Variants in PTPRD observed in about 807,000 individuals in gnomAD.
PTPRD encodes the protein receptor-type tyrosine-protein phosphatase delta.
In PTPRD, 34 loss-of-function variants were observed where a neutral mutation model predicts 214.5. That is an observed-to-expected ratio of 0.16 (90% confidence interval 0.12 to 0.21). The LOEUF (loss-of-function observed/expected upper bound fraction) is 0.21. Ranked by LOEUF, PTPRD falls within the 10% of genes least tolerant of loss-of-function variation. PTPRD has a pLI of 1.00. For synonymous variants in PTPRD, 1,128 were observed against 845.7 expected (o/e 1.33, Z -5.79); for missense variants, 2,545 against 2,398.7 (o/e 1.06, Z -1.27).
intron 7 of PTPRD, among the ~76,000 whole-genome samples, chr9:9,645,464 TATATATATATATA>T (rs2096125790): frequency 1.4e-5 from 2 of 140,946 alleles, no homozygotes; most frequent in Admixed American, 6.9e-5. Flanking sequence ...TATGTATATA[TATATATATATATA>T]TATTTTCTAT....
At chr9:9,863,310 A>G (rs922671873) in intron 5 of PTPRD, among the ~76,000 whole-genome samples, 1 of 152,208 alleles carries the variant, frequency 6.6e-6, no homozygotes, top group Non-Finnish European at 1.5e-5. Flanking sequence ...AAAAAATTTG[A>G]TAATTGATAA....
chr9:9,689,063 T>C (rs892161078), intron 7 of PTPRD, among the ~76,000 whole-genome samples: 1 of 151,908 alleles, frequency 6.6e-6, no homozygotes, highest in African/African-American at 2.4e-5. Context: ...AAAGTGAAAC[T>C]CAACTAAATT....
chr9:8,512,246 G>C (rs1309003232), intron 21 of PTPRD, among the ~76,000 whole-genome samples: 1 of 152,002 alleles, frequency 6.6e-6, no homozygotes, highest in East Asian at 1.9e-4. Flanking sequence ...TCAAAACAAA[G>C]AGTCTGATGT....
chr9:8,404,710 C>A (rs1280671523), intron 35 of PTPRD, 50 bp from the exon 36 acceptor site: 15 of 1,561,962 alleles, frequency 9.6e-6, no homozygotes, highest in East Asian at 9.1e-5. Context: ...TGAAAACCAC[C>A]AGATTATAGG....
At chr9:10,462,238 T>C (rs1203399013) in intron 2 of PTPRD, among the ~76,000 whole-genome samples, 1 of 152,156 alleles carries the variant, frequency 6.6e-6, no homozygotes, top group African/African-American at 2.4e-5. Context: ...TAAAATAAAA[T>C]TGCCTTTCTC....
At chr9:8,618,034 G>C (rs551416521) in intron 14 of PTPRD, among the ~76,000 whole-genome samples, 1 of 152,218 alleles carries the variant, frequency 6.6e-6, no homozygotes, top group East Asian at 1.9e-4. Context: ...AATTGTCAGA[G>C]TAGTGAAGAA....
At chr9:9,731,705 A>C (rs575504496) in intron 7 of PTPRD, among the ~76,000 whole-genome samples, 61 of 152,238 alleles carry the variant, frequency 4.0e-4, no homozygotes, top group African/African-American at 1.4e-3. Flanking sequence ...AAACTATCAC[A>C]AGGACAAAAA....
chr9:8,835,758 G>C (rs1439295724), intron 11 of PTPRD, among the ~76,000 whole-genome samples: 1 of 151,960 alleles, frequency 6.6e-6, no homozygotes, highest in Admixed American at 6.6e-5. Context: ...GGCTGGTCTT[G>C]AACTCCTGGG....
intron 39 of PTPRD, among the ~76,000 whole-genome samples, chr9:8,352,959 A>G (rs1297856305): frequency 6.6e-6 from 1 of 152,052 alleles, no homozygotes; most frequent in Non-Finnish European, 1.5e-5. Context: ...AAAACTACAA[A>G]AATTAGCTGG....
intron 4 of PTPRD, among the ~76,000 whole-genome samples, chr9:10,025,616 C>A (rs2154124159): frequency 6.6e-6 from 1 of 152,266 alleles, no homozygotes; most frequent in Middle Eastern, 3.4e-3. Context: ...GAGCACATTT[C>A]AAATACGATG....
At chr9:9,184,080 T>A (rs1260398850) in intron 9 of PTPRD, among the ~76,000 whole-genome samples, 1 of 152,044 alleles carries the variant, frequency 6.6e-6, no homozygotes, top group African/African-American at 2.4e-5. Context: ...CAACTCTTTT[T>A]AACATATTAA....
In PTPRD at chr9:10,144,805, C is replaced by CA. The variant is rs372752424; in HGVS notation, c.-544-111016dup. ...TCTCTCTAATGGATTATAATGTTAA[C>CA]AAAAAAATCATTTCAGAATGAAATT... On this transcript the variant is annotated intron_variant, in intron 3 of 45. Coordinates refer to ENST00000381196, the MANE Select transcript of PTPRD (RefSeq NM_002839.4). Among the ~76,000 whole-genome samples, 621 of 151,948 alleles carry CA rather than the reference C, an allele frequency of 4.1e-3. 5 individuals are homozygous for CA. The highest frequency in any genetic ancestry group is 0.014 in the African/African-American group (583 of 41,474).
chr9:8,697,417 CTTT>C (rs752677458), intron 12 of PTPRD, among the ~76,000 whole-genome samples: 1 of 63,242 alleles, frequency 1.6e-5, no homozygotes, highest in Non-Finnish European at 3.0e-5. Flanking sequence ...TTTTTATGTA[CTTT>C]TTTTTTTTTT....
At chr9:10,412,541 C>A (rs10809087) in intron 2 of PTPRD, among the ~76,000 whole-genome samples, 110,258 of 151,048 alleles carry the variant, frequency 0.73, 40,906 homozygotes, top group Non-Finnish European at 0.81. Context: ...AAAATTGAGG[C>A]TGGACACTTC....
At chr9:9,477,681 C>T (rs1046136059) in intron 8 of PTPRD, among the ~76,000 whole-genome samples, 3 of 152,180 alleles carry the variant, frequency 2.0e-5, no homozygotes, top group East Asian at 1.9e-4. Flanking sequence ...GACTCTGAAA[C>T]GTATTTCCCA....
At chr9:10,282,867 G>C (rs983661388) in intron 3 of PTPRD, among the ~76,000 whole-genome samples, 2 of 152,016 alleles carry the variant, frequency 1.3e-5, no homozygotes, top group Non-Finnish European at 2.9e-5. Flanking sequence ...CCTGATACAC[G>C]TGTACCTCAA....
intron 36 of PTPRD, among the ~76,000 whole-genome samples, chr9:8,396,570 A>G (rs939840922): frequency 2.6e-5 from 4 of 151,990 alleles, no homozygotes; most frequent in Non-Finnish European, 5.9e-5. Context: ...AAATAAACTC[A>G]CTCCCAGAGC....
chr9:9,780,469 A>C (rs1379678934), intron 5 of PTPRD, among the ~76,000 whole-genome samples: 1 of 152,232 alleles, frequency 6.6e-6, no homozygotes, highest in African/African-American at 2.4e-5. Flanking sequence ...CTCACCAAAG[A>C]AGATATATAG....
At chr9:8,533,222 C>A (rs532179866) in intron 14 of PTPRD, among the ~76,000 whole-genome samples, 1 of 152,144 alleles carries the variant, frequency 6.6e-6, no homozygotes, top group East Asian at 1.9e-4. Flanking sequence ...GCTAAGGCTA[C>A]AGGCTCCTTC....
Sources: gnomAD v4.1 joint callset for allele counts (sites outside exome capture counted in the v4.1 genomes callset) on GRCh38, gnomAD v4.1.1 for gene constraint, MANE v1.5 for transcripts, NCBI Gene and HGNC (gene_info 2026-07-23, HGNC 2026-07-21) for gene names.